Variants in KIAA1671 observed in about 807,000 individuals in gnomAD.
The protein encoded by KIAA1671 is uncharacterized protein KIAA1671.
Under a neutral mutation model 131.2 loss-of-function variants are expected in KIAA1671, and 52 were observed. The observed-to-expected ratio is 0.40, with a 90% CI of 0.32 to 0.50. The LOEUF (loss-of-function observed/expected upper bound fraction) is 0.50, where lower values mean the gene tolerates loss of function less well. Among genes scored for constraint, KIAA1671 ranks in the 20% least tolerant of loss-of-function variants. KIAA1671 has a pLI of 0.73. For missense variants in KIAA1671, 2,360 were observed against 2,364.2 expected, an observed-to-expected ratio of 1.00 and a Z score of 0.04; for synonymous variants, 1,003 against 961.6, an observed-to-expected ratio of 1.04 and a Z score of -0.80.
At chr22:25,177,702 A>G (rs1934090491) in intron 9 of KIAA1671, among the ~76,000 whole-genome samples, 180 bp downstream of exon 9, 1 of 151,890 alleles carries the variant, frequency 6.6e-6, no homozygotes, top group Non-Finnish European at 1.5e-5. Flanking sequence ...TTGTTCATTT[A>G]ATTTTTAAGT....
chr22:25,067,530 C>G (rs573910102), intron 6 of KIAA1671, among the ~76,000 whole-genome samples: 2 of 152,170 alleles, frequency 1.3e-5, no homozygotes, highest in South Asian at 4.2e-4. Flanking sequence ...TCCTTTCACC[C>G]TCTGTGTTCC....
At chr22:25,072,196 C>T (rs927773709) in intron 6 of KIAA1671, among the ~76,000 whole-genome samples, 3 of 152,122 alleles carry the variant, frequency 2.0e-5, no homozygotes, top group Admixed American at 2.0e-4. Flanking sequence ...CTCATCCTGG[C>T]CAGTAGAGGC....
chr22:24,967,763 T>C lies in KIAA1671; in HGVS notation c.-208+14991T>C, dbSNP rs552685086. ...ATCCCAGCACTCTGGGAGGCCAAGGTGGGCGGATCATGAGGTCAGGAGATC... is the reference window on the plus strand; with the variant it reads ...ATCCCAGCACTCTGGGAGGCCAAGGCGGGCGGATCATGAGGTCAGGAGATC... On this transcript the variant is annotated intron_variant, in intron 1 of 12. Coordinates refer to ENST00000358431, the MANE Select transcript of KIAA1671 (RefSeq NM_001145206.2). 1.6e-3 allele frequency among the ~76,000 whole-genome samples: 245 copies of C among 152,094 alleles called. 1 individual carries two copies. The highest frequency in any genetic ancestry group is 0.01 in the Middle Eastern group (3 of 286).
intron 1 of KIAA1671, among the ~76,000 whole-genome samples, chr22:25,020,136 G>A (rs1925583176): frequency 6.6e-6 from 1 of 152,174 alleles, no homozygotes; most frequent in Admixed American, 6.5e-5. Context: ...TTGATTTGGA[G>A]TCAGAAGACC....
intron 6 of KIAA1671, among the ~76,000 whole-genome samples, chr22:25,077,003 C>G (rs1204570777): frequency 6.6e-6 from 1 of 152,216 alleles, no homozygotes; most frequent in Non-Finnish European, 1.5e-5. Flanking sequence ...GAACCCAGCT[C>G]TCCCTCTATT....
chr22:24,976,837 T>C (rs1001981638), intron 1 of KIAA1671, among the ~76,000 whole-genome samples: 1 of 127,454 alleles, frequency 7.8e-6, no homozygotes, highest in Non-Finnish European at 1.8e-5. Flanking sequence ...AAACTCTGGC[T>C]TCCCGGGGAC....
chr22:24,957,471 G>A (rs936127318), intron 1 of KIAA1671, among the ~76,000 whole-genome samples: 2 of 152,164 alleles, frequency 1.3e-5, no homozygotes, highest in Admixed American at 6.6e-5. Flanking sequence ...GAGGGCAGGA[G>A]CATCCCTGTC....
At chr22:25,189,556 C>T (rs1934600047) in intron 11 of KIAA1671, among the ~76,000 whole-genome samples, 1 of 152,102 alleles carries the variant, frequency 6.6e-6, no homozygotes, top group Non-Finnish European at 1.5e-5. Context: ...CTACTCAGCG[C>T]CTACTGATTT....
chr22:24,965,260 C>T (rs968381739), intron 1 of KIAA1671, among the ~76,000 whole-genome samples: 3 of 151,454 alleles, frequency 2.0e-5, no homozygotes, highest in Non-Finnish European at 4.4e-5. Flanking sequence ...ACTAAAAATA[C>T]AAAAATTAGC....
Position 25,039,206 on chromosome 22 carries a change from T to A in KIAA1671, c.2076T>A (p.Gly692=). Residue 692 remains glycine, a synonymous_variant, in exon 5 of 13, where the codon GGT becomes GGA. Coordinates refer to ENST00000358431, the MANE Select transcript of KIAA1671 (RefSeq NM_001145206.2). ...EKLGPTTLLN[G]ELRPYHTPLR... ...TGGGACCAACCACCCTTTTGAATGG[T>A]GAACTGAGACCGTATCACACGCCTC... is the stretch of plus-strand genomic sequence containing the variant. 6.4e-7 allele frequency: 1 copy of A among 1,552,154 alleles called. No homozygotes were observed. The highest frequency in any genetic ancestry group is 8.7e-7 in the Non-Finnish European group (1 of 1,147,118).
chr22:25,190,817 G>A lies in KIAA1671; in HGVS notation c.*4+33G>A, dbSNP rs1934649843. On this transcript the variant is annotated intron_variant, in intron 12 of 12. Transcript: ENST00000358431. Reference sequence around the variant, plus strand: ...GGGGCTCTGTTGGGGAACCTGGGAAGAGCCCTGCAGTCACAGGAATGGGGA... The same window carrying A: ...GGGGCTCTGTTGGGGAACCTGGGAAAAGCCCTGCAGTCACAGGAATGGGGA... 2.1e-6 allele frequency: 3 copies of A among 1,438,948 alleles called. No homozygotes were observed. In the African/African-American group the frequency reaches 4.2e-5, roughly 20 times the overall value. 89.1% of individuals were successfully genotyped at this position (1,438,948 alleles called of 1,614,324 possible).
At chr22:24,990,740 G>A (rs372099079) in intron 1 of KIAA1671, among the ~76,000 whole-genome samples, 7 of 152,294 alleles carry the variant, frequency 4.6e-5, no homozygotes, top group South Asian at 2.1e-4. Context: ...CCTACCTTGC[G>A]GGTGGGCAGC....
rs113071955 is a variant in KIAA1671 at position 25,082,559 on chromosome 22, C to G, written c.4530+33195C>G. On this transcript the variant is annotated intron_variant, in intron 6 of 12. Transcript: ENST00000358431. ...TAAGAAAACCTGATGTTGGCCAGGC[C>G]TGGTGGCTCATGCCTGTAATCTCAG... 1.9e-3 allele frequency among the ~76,000 whole-genome samples: 290 copies of G among 152,256 alleles called. 1 individual carries two copies. The highest frequency in any genetic ancestry group is 6.8e-3 in the African/African-American group (284 of 41,540).
intron 6 of KIAA1671, among the ~76,000 whole-genome samples, chr22:25,169,044 A>C (rs1933748582): frequency 6.6e-6 from 1 of 152,142 alleles, no homozygotes; most frequent in African/African-American, 2.4e-5. Context: ...GAACGTAAGG[A>C]GTAAAGATGA....
chr22:25,062,410 C>T (rs559878233), intron 6 of KIAA1671: 1 of 152,462 alleles, frequency 6.6e-6, no homozygotes, highest in East Asian at 1.9e-4. Context: ...ACATTGTCCT[C>T]ACCCCAGAAG....
intron 1 of KIAA1671, among the ~76,000 whole-genome samples, chr22:24,984,600 G>A (rs562153986): frequency 6.6e-6 from 1 of 152,270 alleles, no homozygotes; most frequent in Admixed American, 6.5e-5. Flanking sequence ...TCCCTTATAT[G>A]TGTGAGCTGC....
At chr22:25,031,708 A>G (rs1165643014) in intron 3 of KIAA1671, among the ~76,000 whole-genome samples, 2 of 152,194 alleles carry the variant, frequency 1.3e-5, no homozygotes, top group African/African-American at 4.8e-5. Context: ...TTAAGATATC[A>G]GAGAAGGACA....
intron 1 of KIAA1671, among the ~76,000 whole-genome samples, chr22:24,998,462 G>A (rs1471941555): frequency 6.6e-6 from 1 of 151,974 alleles, no homozygotes; most frequent in Admixed American, 6.6e-5. Context: ...GCTCACACCT[G>A]TAATCCCAGC....
intron 9 of KIAA1671, chr22:25,179,379 C>A: frequency 1.9e-6 from 3 of 1,606,536 alleles, no homozygotes; most frequent in Non-Finnish European, 2.5e-6. Flanking sequence ...CTCGCGCAGC[C>A]GCTCGCGCAG....
Sources: gnomAD v4.1 joint callset for allele counts (sites outside exome capture counted in the v4.1 genomes callset) on GRCh38, gnomAD v4.1.1 for gene constraint, MANE v1.5 for transcripts, NCBI Gene and HGNC (gene_info 2026-07-23, HGNC 2026-07-21) for gene names.